TPST1: variants seen among roughly 807,000 people sequenced by gnomAD.
TPST1 encodes protein-tyrosine sulfotransferase 1.
A neutral mutation model predicts 34.8 loss-of-function variants in TPST1; 20 were observed. The ratio of observed to expected loss-of-function variants is 0.57; its 90% CI spans 0.40 to 0.84. The LOEUF is 0.84. Ranked by LOEUF, TPST1 falls within the 40% of genes least tolerant of loss-of-function variation. TPST1 has a pLI of 0.00. For synonymous variants in TPST1, 152 were observed against 159.4 expected, an observed-to-expected ratio of 0.95 and a Z score of 0.35; for missense variants, 353 against 455.5, an observed-to-expected ratio of 0.78 and a Z score of 2.05.
chr7:66,199,296 T>TC, the TPST1 span, among the ~76,000 whole-genome samples: 17 of 144,424 alleles, frequency 1.2e-4, no homozygotes, highest in East Asian at 7.9e-4. Flanking sequence ...ATCTCCTTCT[T>TC]TTTTTTTTTT....
At chr7:66,203,905 G>A (rs1234479330), upstream of TPST1, among the ~76,000 whole-genome samples, 4 of 152,120 alleles carry the variant, frequency 2.6e-5, no homozygotes, top group Non-Finnish European at 5.9e-5. Flanking sequence ...AGCCAGGCAC[G>A]GTGGCCCATG....
chr7:66,276,825 A>G (rs1256192970), intron 2 of TPST1, among the ~76,000 whole-genome samples: 7 of 152,030 alleles, frequency 4.6e-5, no homozygotes, highest in Non-Finnish European at 1.0e-4. Context: ...TTTTCTCTAT[A>G]GGAATGTTCT....
Position 66,261,685 on chromosome 7 carries a change from G to A in TPST1, c.845+20415G>A, listed in dbSNP as rs148690290. ...ACATGTATTTTTCCATAAAATATAT[G>A]TTGTCATATTGGGTTCAGATCTTGG... On this transcript the variant is annotated intron_variant, in intron 2 of 5. Transcript: ENST00000304842. Among the ~76,000 whole-genome samples, 80 of 152,010 alleles carry A rather than the reference G, an allele frequency of 5.3e-4. 1 individual carries two copies. The highest frequency in any genetic ancestry group is 1.7e-3 in the African/African-American group (72 of 41,378).
rs780952403 is a variant in TPST1 at position 66,224,901 on chromosome 7, C to CTTTTTTTTTTTTTTT, written c.-101-15407_-101-15393dup. ...AACTGAGCCTGAACATTCTGGTATT[C>CTTTTTTTTTTTTTTT]TTTTTTTTTTTTTTTTTTTTTTTTT... On this transcript the variant is annotated intron_variant, in intron 1 of 5. Transcript: ENST00000304842. Among the ~76,000 whole-genome samples the CTTTTTTTTTTTTTTT allele has an allele frequency of 1.6e-3, 69 of 42,408 alleles. 15 individuals are homozygous for CTTTTTTTTTTTTTTT. Among genetic ancestry groups the CTTTTTTTTTTTTTTT allele is most frequent in the East Asian group, 3.3e-3 (4 of 1,230 alleles). The allele number at this position is 42,408 out of a possible 152,430, so 27.8% of individuals were successfully genotyped here.
chr7:66,348,506 G>T (rs1167519078), intron 3 of TPST1, among the ~76,000 whole-genome samples: 5 of 152,140 alleles, frequency 3.3e-5, no homozygotes, highest in Non-Finnish European at 7.3e-5. Context: ...TTTCCAATTT[G>T]CCCTTCAAAT....
intron 1 of TPST1, among the ~76,000 whole-genome samples, chr7:66,214,291 C>T (rs1332118053): frequency 6.6e-6 from 1 of 151,638 alleles, no homozygotes; most frequent in Non-Finnish European, 1.5e-5. Context: ...ATAATAAAGA[C>T]AATCATATAT....
chr7:66,207,027 A>G (rs1356752496), intron 1 of TPST1, among the ~76,000 whole-genome samples: 1 of 152,188 alleles, frequency 6.6e-6, no homozygotes, highest in African/African-American at 2.4e-5. Context: ...TGATAAAAGC[A>G]TTGTCATTGG....
chr7:66,275,372 C>T (rs1355067165), intron 2 of TPST1, among the ~76,000 whole-genome samples: 2 of 152,028 alleles, frequency 1.3e-5, no homozygotes, highest in Non-Finnish European at 2.9e-5. Context: ...ATCCCACTAC[C>T]AGGTATGTAC....
At chr7:66,339,681 C>T (rs912321366) in intron 3 of TPST1, among the ~76,000 whole-genome samples, 11 of 151,750 alleles carry the variant, frequency 7.2e-5, no homozygotes, top group Admixed American at 1.3e-4. Context: ...AACAGACTTA[C>T]TTGAGGGTGG....
chr7:66,267,842 G>C (rs575884067), intron 2 of TPST1, among the ~76,000 whole-genome samples: 1 of 152,192 alleles, frequency 6.6e-6, no homozygotes, highest in Non-Finnish European at 1.5e-5. Flanking sequence ...TTGGGGGAGG[G>C]GGTGTGGCAG....
intron 1 of TPST1, among the ~76,000 whole-genome samples, chr7:66,219,594 CATG>C (rs1789497750): frequency 6.6e-6 from 1 of 152,122 alleles, no homozygotes; most frequent in Non-Finnish European, 1.5e-5. Flanking sequence ...CTGAGGTGGT[CATG>C]ATAGGACAAT....
At chr7:66,265,713 G>A (rs1042225065) in intron 2 of TPST1, among the ~76,000 whole-genome samples, 1 of 152,162 alleles carries the variant, frequency 6.6e-6, no homozygotes, top group African/African-American at 2.4e-5. Flanking sequence ...TAATCAAACT[G>A]TTGAAAGCCA....
At chr7:66,356,266 G>A (rs977146536) in intron 4 of TPST1, among the ~76,000 whole-genome samples, 1 of 152,148 alleles carries the variant, frequency 6.6e-6, no homozygotes, top group Admixed American at 6.6e-5. Context: ...GATAGAAGTG[G>A]GCCCAGGAGG....
intron 1 of TPST1, among the ~76,000 whole-genome samples, chr7:66,236,635 A>G (rs911495558): frequency 1.3e-5 from 2 of 152,250 alleles, no homozygotes; most frequent in Admixed American, 1.3e-4. Flanking sequence ...CTGTATCTCA[A>G]CCACCTTGGG....
At chr7:66,267,906 TTTTCTC>T (rs1223862836) in intron 2 of TPST1, among the ~76,000 whole-genome samples, 1 of 151,910 alleles carries the variant, frequency 6.6e-6, no homozygotes, top group Non-Finnish European at 1.5e-5. Context: ...GATGGCTACT[TTTTCTC>T]TTTCTTTCCT....
Position 66,240,966 on chromosome 7 carries a change from C to T in TPST1, c.541C>T (p.Leu181=), listed in dbSNP as rs745542089. 1.2e-6 allele frequency: 2 copies of T among 1,614,082 alleles called. No individual in the cohort carries two copies. The highest frequency in any genetic ancestry group is 2.2e-5 in the South Asian group (2 of 91,092). ...SRLFPNAKFL[L]MVRDGRASVH... ...GTTATTCCCCAATGCCAAATTTCTCCTGATGGTCCGAGATGGCCGGGCATC... is the reference window on the plus strand; with the variant it reads ...GTTATTCCCCAATGCCAAATTTCTCTTGATGGTCCGAGATGGCCGGGCATC... Residue 181 remains leucine, a synonymous_variant, in exon 2 of 6, where the codon CTG becomes TTG. Coordinates refer to ENST00000304842, the MANE Select transcript of TPST1 (RefSeq NM_003596.4).
chr7:66,310,525 T>TA (rs1186213239), intron 3 of TPST1, among the ~76,000 whole-genome samples: 2 of 152,096 alleles, frequency 1.3e-5, no homozygotes, highest in African/African-American at 4.8e-5. Context: ...CCTCAGTGTG[T>TA]AAGGGAATAA....
chr7:66,205,627 T>C lies in TPST1; in HGVS notation c.-102+105T>C, dbSNP rs1311082808. The C allele has an allele frequency of 6.5e-6, 1 of 152,806 alleles. No individual in the cohort carries two copies. Among genetic ancestry groups the C allele is most frequent in the Non-Finnish European group, 1.5e-5 (1 of 68,608 alleles). The allele number at this position is 152,806 out of a possible 1,614,324, so 9.5% of individuals were successfully genotyped here. A position where few individuals can be genotyped will look rare whatever the true frequency, so the allele number is the denominator to read the frequency against. On this transcript the variant is annotated intron_variant, in intron 1 of 5. Coordinates refer to ENST00000304842, the MANE Select transcript of TPST1 (RefSeq NM_003596.4). The surrounding 1 kb of genome is among the most constrained non-coding windows in gnomAD (Gnocchi z 5.0). ...CCCTTGGCCCCTTGTCGCCTTCTGC[T>C]CGGTGCCTCCCGGTTGTCCAACCCC...
At chr7:66,350,536 A>C (rs1054450272) in intron 3 of TPST1, among the ~76,000 whole-genome samples, 3 of 152,124 alleles carry the variant, frequency 2.0e-5, no homozygotes, top group Admixed American at 6.5e-5. Context: ...CGGAGAACAA[A>C]AAAAAAAAAT....
Sources: gnomAD v4.1 joint callset for allele counts (sites outside exome capture counted in the v4.1 genomes callset) on GRCh38, gnomAD v4.1.1 for gene constraint, Gnocchi (gnomAD v3.1) non-coding constraint, MANE v1.5 for transcripts, NCBI Gene and HGNC (gene_info 2026-07-23, HGNC 2026-07-21) for gene names.